PARM1: variants seen among roughly 807,000 people sequenced by gnomAD.
PARM1 encodes prostate androgen-regulated mucin-like protein 1.
In PARM1, 14 loss-of-function variants were observed where a neutral mutation model predicts 24.6. That is an observed-to-expected ratio of 0.57 (90% CI 0.38 to 0.89). PARM1 has a LOEUF of 0.89. Among genes scored for constraint, PARM1 ranks in the 40% least tolerant of loss-of-function variants. PARM1 has a pLI of 0.00. For missense variants in PARM1, 362 were observed against 380.4 expected (o/e 0.95, Z 0.40); for synonymous variants, 179 against 156.6 (o/e 1.14, Z -1.07).
chr4:74,994,799 TATAAATAAATAA>T (rs3062355), intron 1 of PARM1, among the ~76,000 whole-genome samples: 27 of 145,160 alleles, frequency 1.9e-4, no homozygotes, highest in South Asian at 4.4e-4. Context: ...TCTCAAAAAA[TATAAATAAATAA>T]ATAAATAAAT....
At chr4:74,968,377 T>C (rs1721950603) in intron 1 of PARM1, among the ~76,000 whole-genome samples, 1 of 152,220 alleles carries the variant, frequency 6.6e-6, no homozygotes, top group African/African-American at 2.4e-5. Flanking sequence ...GGTCAGGAAA[T>C]ATAAAAGTTG....
intron 1 of PARM1, among the ~76,000 whole-genome samples, chr4:74,946,445 TA>T (rs1314111582): frequency 1.3e-5 from 2 of 152,208 alleles, no homozygotes; most frequent in Non-Finnish European, 2.9e-5. Context: ...TCTTGGGACT[TA>T]TTTAGGCCAT....
intron 1 of PARM1, among the ~76,000 whole-genome samples, chr4:74,958,628 G>A (rs1283648110): frequency 6.6e-6 from 1 of 152,162 alleles, no homozygotes; most frequent in East Asian, 1.9e-4. Flanking sequence ...GGCCAAGCTT[G>A]GGGCCAAAGT....
chr4:75,004,510 G>T (rs369214429), intron 1 of PARM1, among the ~76,000 whole-genome samples: 1 of 152,200 alleles, frequency 6.6e-6, no homozygotes, highest in East Asian at 1.9e-4. Context: ...AGTCAGGGTA[G>T]AAAGAGCAGC....
intron 1 of PARM1, among the ~76,000 whole-genome samples, chr4:74,985,877 T>C (rs2109775482): frequency 1.3e-5 from 2 of 152,294 alleles, no homozygotes; most frequent in Middle Eastern, 6.8e-3. Context: ...CAAGTGATTC[T>C]CCAGCCTCAG....
chr4:74,937,580 G>A lies in PARM1; in HGVS notation c.43+4210G>A, dbSNP rs1253249277. On this transcript the variant is annotated intron_variant, in intron 1 of 3. Transcript: ENST00000307428. ...TACAAAATTTGGAGAATAAAAAATT[G>A]GAGTTATTGAAAGTGTTCAATACCT... 2.6e-5 allele frequency among the ~76,000 whole-genome samples: 4 copies of A among 152,178 alleles called. No homozygotes were observed. The East Asian group carries it at 7.7e-4, about 29-fold the overall frequency.
intron 2 of PARM1, among the ~76,000 whole-genome samples, chr4:75,033,389 T>C (rs1723306944): frequency 6.6e-6 from 1 of 152,162 alleles, no homozygotes; most frequent in African/African-American, 2.4e-5. Flanking sequence ...ACTGCCAATA[T>C]TTTTATGAAA....
At chr4:74,958,306 AT>A (rs1186918725) in intron 1 of PARM1, among the ~76,000 whole-genome samples, 2 of 152,206 alleles carry the variant, frequency 1.3e-5, no homozygotes, top group Non-Finnish European at 2.9e-5. Context: ...CACAGCCTTC[AT>A]CTTTAATGTA....
At chr4:74,973,084 T>G (rs1722069276) in intron 1 of PARM1, among the ~76,000 whole-genome samples, 1 of 152,194 alleles carries the variant, frequency 6.6e-6, no homozygotes, top group Admixed American at 6.5e-5. Context: ...ATGGATTTTC[T>G]AAAACCCCAT....
chr4:74,945,497 A>G (rs904588078), intron 1 of PARM1, among the ~76,000 whole-genome samples: 1 of 152,226 alleles, frequency 6.6e-6, no homozygotes, highest in Admixed American at 6.5e-5. Context: ...TTTACCGGGC[A>G]TCACTGATGT....
chr4:75,004,806 C>A (rs189635601), intron 1 of PARM1, among the ~76,000 whole-genome samples: 1 of 152,298 alleles, frequency 6.6e-6, no homozygotes, highest in East Asian at 1.9e-4. Context: ...TTACCAACTG[C>A]CTCCAAGGAG....
At position 75,049,223 on chromosome 4, in the gene PARM1, C is replaced by G. The variant is rs535983107; in HGVS notation, c.*2976C>G. Reference sequence around the variant, plus strand: ...AGTGAAACCTCCTGCCCTCCCTGCACGTCTGTGTCTTCATTTCTAAAATGG... The same window carrying G: ...AGTGAAACCTCCTGCCCTCCCTGCAGGTCTGTGTCTTCATTTCTAAAATGG... On this transcript the variant is annotated 3_prime_UTR_variant, in exon 4 of 4. Coordinates refer to ENST00000307428, the MANE Select transcript of PARM1 (RefSeq NM_015393.4). The G allele has an allele frequency of 6.6e-6, 1 of 152,292 alleles. No individual in the cohort carries two copies. Among genetic ancestry groups the G allele is most frequent in the East Asian group, 1.9e-4 (1 of 5,188 alleles). 9.4% of individuals were successfully genotyped at this position (152,292 alleles called of 1,614,324 possible).
chr4:74,957,077 T>C (rs187140738), intron 1 of PARM1: 70 of 152,346 alleles, frequency 4.6e-4, no homozygotes, highest in African/African-American at 1.6e-3. Context: ...TGCCATATAG[T>C]GGGCAAGGGA....
chr4:74,985,619 G>A (rs1404983074), intron 1 of PARM1, among the ~76,000 whole-genome samples: 1 of 152,222 alleles, frequency 6.6e-6, no homozygotes, highest in Non-Finnish European at 1.5e-5. Context: ...CTAGTAGACA[G>A]TGAGCAGTGA....
At chr4:74,959,150 A>G (rs951952756) in intron 1 of PARM1, among the ~76,000 whole-genome samples, 14 of 152,256 alleles carry the variant, frequency 9.2e-5, no homozygotes, top group Admixed American at 9.2e-4. Flanking sequence ...TTAAATAGCC[A>G]TGCATCTTAG....
rs1347147997 is a variant in PARM1 at position 75,049,803 on chromosome 4, G to T, written c.*3556G>T. ...CCCTCACATCCAGGAAATGAATTTT[G>T]CAATTGGGCCAGATGCTAATTTGCA... On this transcript the variant is annotated 3_prime_UTR_variant, in exon 4 of 4. Transcript: ENST00000307428. 6.6e-6 allele frequency: 1 copy of T among 150,970 alleles called. No homozygotes were observed. Among genetic ancestry groups the T allele is most frequent in the Non-Finnish European group, 1.5e-5 (1 of 67,886 alleles). The allele number at this position is 150,970 out of a possible 1,614,324, so 9.4% of individuals were successfully genotyped here.
At chr4:75,026,656 G>T (rs1277769832) in intron 2 of PARM1, among the ~76,000 whole-genome samples, 4 of 151,986 alleles carry the variant, frequency 2.6e-5, no homozygotes, top group Admixed American at 6.6e-5. Flanking sequence ...GAGTTTTTTT[G>T]ATTTGGTCCT....
chr4:75,046,876 T>C lies in PARM1; in HGVS notation c.*629T>C, dbSNP rs1027868789. On this transcript the variant is annotated 3_prime_UTR_variant, in exon 4 of 4. Coordinates refer to ENST00000307428, the MANE Select transcript of PARM1 (RefSeq NM_015393.4). ...GGGGCCAGCAGGTCACGGGGCAGAA[T>C]CTCTCAGGTTGCTGTGGGATCTCAG... 6.6e-6 allele frequency: 1 copy of C among 152,496 alleles called. No homozygotes were observed. The highest frequency in any genetic ancestry group is 2.4e-5 in the African/African-American group (1 of 41,450). 9.4% of individuals were successfully genotyped at this position (152,496 alleles called of 1,614,324 possible). A position where few individuals can be genotyped will look rare whatever the true frequency, so the allele number is the denominator to read the frequency against.
At chr4:75,042,605 A>G (rs772061059) in intron 3 of PARM1, among the ~76,000 whole-genome samples, 5 of 151,412 alleles carry the variant, frequency 3.3e-5, no homozygotes, top group African/African-American at 4.8e-5. Context: ...AACCTCATAC[A>G]CTATGCAAAT....
Sources: gnomAD v4.1 joint callset for allele counts (sites outside exome capture counted in the v4.1 genomes callset) on GRCh38, gnomAD v4.1.1 for gene constraint, MANE v1.5 for transcripts, NCBI Gene and HGNC (gene_info 2026-07-23, HGNC 2026-07-21) for gene names.